Variants in RPL36AL observed in about 807,000 individuals in gnomAD.
The protein encoded by RPL36AL is ribosomal protein eL42-like.
RPL36AL carries 8 observed loss-of-function variants against 7.9 expected under a neutral mutation model. The observed-to-expected ratio is 1.02, with a 90% confidence interval of 0.60 to 1.84. The LOEUF is 1.84. Among genes scored for constraint, RPL36AL ranks in the 40% most tolerant of loss-of-function variants. RPL36AL has a pLI of 0.00. For synonymous variants in RPL36AL, 44 were observed against 44.8 expected, an observed-to-expected ratio of 0.98 and a Z score of 0.07; for missense variants, 76 against 126.8, an observed-to-expected ratio of 0.60 and a Z score of 1.93.
intron 1 of RPL36AL, among the ~76,000 whole-genome samples, chr14:49,620,308 C>G (rs1594597978): frequency 6.6e-6 from 1 of 152,164 alleles, no homozygotes; most frequent in African/African-American, 2.4e-5. Flanking sequence ...CGTAGTATCA[C>G]TTTTCCCCTC....
Position 49,619,108 on chromosome 14 carries a change from T to C in RPL36AL, c.-4A>G. 5 of 1,604,022 alleles carry C rather than the reference T, an allele frequency of 3.1e-6. No homozygotes were observed. The Admixed American group carries it at 5.1e-5, about 16-fold the overall frequency. On this transcript the variant is annotated 5_prime_UTR_variant, in exon 2 of 2. Coordinates refer to ENST00000298289, the MANE Select transcript of RPL36AL (RefSeq NM_001001.5). The stretch of plus-strand genomic sequence containing the variant: ...GGGTTTTAGGTACGTTGACCATCTT[T>C]GCAGCAGGGCTGTTTTGTCTATATG...
Position 49,619,127 on chromosome 14 carries a change from C to T in RPL36AL, c.-23G>A. On this transcript the variant is annotated 5_prime_UTR_variant, in exon 2 of 2. Transcript: ENST00000298289. Reference sequence around the variant, plus strand: ...CATCTTTGCAGCAGGGCTGTTTTGTCTATATGATGAAAACTGTAGTAAAAT... The same window carrying T: ...CATCTTTGCAGCAGGGCTGTTTTGTTTATATGATGAAAACTGTAGTAAAAT... 2 of 1,571,304 alleles carry T rather than the reference C, an allele frequency of 1.3e-6. No homozygotes were observed. Among genetic ancestry groups the T allele is most frequent in the Non-Finnish European group, 1.7e-6 (2 of 1,159,178 alleles).
chr14:49,619,798 T>C (rs1019187833), intron 1 of RPL36AL, among the ~76,000 whole-genome samples: 19 of 152,252 alleles, frequency 1.2e-4, no homozygotes, highest in Admixed American at 5.9e-4. Context: ...ACCAAGAATT[T>C]ACATTAAAAT....
chr14:49,620,215 G>C (rs990696465), intron 1 of RPL36AL, among the ~76,000 whole-genome samples: 2 of 151,422 alleles, frequency 1.3e-5, no homozygotes, highest in African/African-American at 4.9e-5. Context: ...CCATTTTCCA[G>C]CTCTAGAGAA....
intron 1 of RPL36AL, among the ~76,000 whole-genome samples, chr14:49,619,404 T>C (rs1435859219): frequency 2.6e-5 from 4 of 152,080 alleles, no homozygotes; most frequent in African/African-American, 7.2e-5. Flanking sequence ...TCCCAGCACT[T>C]TGGGAGGCCG....
At chr14:49,619,772 A>G (rs1302921271) in intron 1 of RPL36AL, among the ~76,000 whole-genome samples, 1 of 152,224 alleles carries the variant, frequency 6.6e-6, no homozygotes, top group Non-Finnish European at 1.5e-5. Flanking sequence ...AAAAAATGGC[A>G]GTTCCTAAAT....
intron 1 of RPL36AL, among the ~76,000 whole-genome samples, 151 bp from the exon 2 acceptor site, chr14:49,619,291 C>G (rs996345489): frequency 6.6e-6 from 1 of 152,150 alleles, no homozygotes; most frequent in Admixed American, 6.5e-5. Context: ...AACGCACATA[C>G]AAGTACATAC....
chr14:49,619,099 G>A lies in RPL36AL; in HGVS notation c.6C>T (p.Val2=). ...AGGTTCTTCGGGTTTTAGGTACGTTGACCATCTTTGCAGCAGGGCTGTTTT... is the reference window on the plus strand; with the variant it reads ...AGGTTCTTCGGGTTTTAGGTACGTTAACCATCTTTGCAGCAGGGCTGTTTT... The part of the protein sequence containing the change: M[V]NVPKTRRTFC... The change falls in exon 2 of 2, where the codon GTC becomes GTT. Residue 2 remains valine, a synonymous_variant. Coordinates refer to ENST00000298289, the MANE Select transcript of RPL36AL (RefSeq NM_001001.5). 1 of 1,606,948 alleles carries A rather than the reference G, an allele frequency of 6.2e-7. No individual in the cohort carries two copies. The highest frequency in any genetic ancestry group is 1.1e-5 in the South Asian group (1 of 90,652).
At position 49,620,553 on chromosome 14, in the gene RPL36AL, T is replaced by G. The variant is rs984072459; in HGVS notation, c.-37+9A>C. The G allele has an allele frequency of 5.5e-6, 1 of 181,184 alleles. No individual in the cohort carries two copies. Among genetic ancestry groups the G allele is most frequent in the Non-Finnish European group, 1.2e-5 (1 of 86,322 alleles). 11.2% of individuals were successfully genotyped at this position (181,184 alleles called of 1,614,324 possible). On this transcript the variant is annotated intron_variant, in intron 1 of 1. Coordinates refer to ENST00000298289, the MANE Select transcript of RPL36AL (RefSeq NM_001001.5). ...TATTGGAGCCGCTACAGCCTCGTTC[T>G]TAGCTTACCGAGAAACAGCGCCCGA...
intron 1 of RPL36AL, among the ~76,000 whole-genome samples, chr14:49,619,787 T>G (rs1882779840): frequency 1.3e-5 from 2 of 152,326 alleles, no homozygotes; most frequent in South Asian, 4.1e-4. Flanking sequence ...CTAAATTGTC[T>G]ACCAAGAATT....
chr14:49,619,591 T>C (rs1366254555), intron 1 of RPL36AL, among the ~76,000 whole-genome samples: 2 of 151,848 alleles, frequency 1.3e-5, no homozygotes, highest in African/African-American at 4.8e-5. Flanking sequence ...GATCGCACCA[T>C]TGCACTCCAG....
Position 49,618,919 on chromosome 14 carries a change from G to A in RPL36AL, c.186C>T (p.Thr62=). Residue 62 remains threonine (T), a synonymous_variant, in exon 2 of 2, where the codon ACC becomes ACT. Coordinates refer to ENST00000298289, the MANE Select transcript of RPL36AL (RefSeq NM_001001.5). ...TKPIFRKKAK[T]TKKIVLRLEC... is the part of the protein sequence containing the mutation. ...CCAGCCTTAGCACAATCTTCTTTGT[G>A]GTCTTAGCCTTCTTCCGGAAAATTG... 1 of 1,613,324 alleles carries A rather than the reference G, an allele frequency of 6.2e-7. No homozygotes were observed. The highest frequency in any genetic ancestry group is 8.5e-7 in the Non-Finnish European group (1 of 1,179,840).
At chr14:49,620,241 G>A (rs1442896347) in intron 1 of RPL36AL, among the ~76,000 whole-genome samples, 2 of 151,486 alleles carry the variant, frequency 1.3e-5, no homozygotes, top group Non-Finnish European at 2.9e-5. Context: ...GGGGCAGCGC[G>A]CGACGTTGTA....
In RPL36AL at chr14:49,618,578, A is replaced by G. The variant is rs566756140; in HGVS notation, c.*206T>C. The G allele has an allele frequency of 1.8e-6, 1 of 555,468 alleles. No homozygotes were observed. Among genetic ancestry groups the G allele is most frequent in the South Asian group, 2.3e-5 (1 of 43,454 alleles). The allele number at this position is 555,468 out of a possible 1,614,324, so 34.4% of individuals were successfully genotyped here. ...CATTTGAAATTGACCAGAAAACAAA[A>G]AGTAGTAAAGTAGTATTTTCCCTTC... On this transcript the variant is annotated 3_prime_UTR_variant, in exon 2 of 2. Transcript: ENST00000298289.
In RPL36AL at chr14:49,618,623, A is replaced by T; in HGVS notation, c.*161T>A. 1.6e-6 allele frequency: 1 copy of T among 610,778 alleles called. No individual in the cohort carries two copies. The highest frequency in any genetic ancestry group is 2.0e-5 in the South Asian group (1 of 48,798). 37.8% of individuals were successfully genotyped at this position (610,778 alleles called of 1,614,324 possible). On this transcript the variant is annotated 3_prime_UTR_variant, in exon 2 of 2. Coordinates refer to ENST00000298289, the MANE Select transcript of RPL36AL (RefSeq NM_001001.5). Reference sequence around the variant, plus strand: ...CCCTTCATACATATATAAACTTGTTAGTAAAGTTTGAGGTGGGACTACACT... The same window carrying T: ...CCCTTCATACATATATAAACTTGTTTGTAAAGTTTGAGGTGGGACTACACT...
intron 1 of RPL36AL, 30 bp from the exon 2 acceptor site, chr14:49,619,170 A>G: frequency 6.9e-7 from 1 of 1,446,978 alleles, no homozygotes; most frequent in South Asian, 1.3e-5. Flanking sequence ...ATAAGATAGC[A>G]GACGTTAAAC....
Position 49,618,779 on chromosome 14 carries a change from A to C in RPL36AL, c.*5T>G, listed in dbSNP as rs1301958532. The stretch of plus-strand genomic sequence containing the variant: ...CTTCAAAATTGAAGAAAAATATCCC[A>C]AAGTTTAGAACTGGATCACTTGGCC... On this transcript the variant is annotated 3_prime_UTR_variant, in exon 2 of 2. Coordinates refer to ENST00000298289, the MANE Select transcript of RPL36AL (RefSeq NM_001001.5). 1.6e-5 allele frequency: 25 copies of C among 1,601,628 alleles called. No individual in the cohort carries two copies. Among genetic ancestry groups the C allele is most frequent in the Non-Finnish European group, 2.0e-5 (24 of 1,175,128 alleles).
At chr14:49,619,445 C>T (rs1198347151) in intron 1 of RPL36AL, among the ~76,000 whole-genome samples, 1 of 151,990 alleles carries the variant, frequency 6.6e-6, no homozygotes, top group South Asian at 2.1e-4. Context: ...GTCCGGAGTT[C>T]GAGACCAGCC....
rs1190375198 is a variant in RPL36AL, at chr14:49,618,846, T to G, written c.259A>C (p.Arg87=). Reference sequence around the variant, plus strand: ...CCTCCCAGTTCAAAATGCTTGCATCTCTTAATGGCCAGCATCCTCTTGGAT... The same window carrying G: ...CCTCCCAGTTCAAAATGCTTGCATCGCTTAATGGCCAGCATCCTCTTGGAT... ...CRSKRMLAIK[R]CKHFELGGDK... is the part of the protein sequence containing the mutation. Residue 87 remains arginine, a synonymous_variant, in exon 2 of 2, where the codon AGA becomes CGA. Transcript: ENST00000298289. 6.2e-7 allele frequency: 1 copy of G among 1,612,380 alleles called. No homozygotes were observed. The highest frequency in any genetic ancestry group is 2.2e-5 in the East Asian group (1 of 44,884).
Sources: allele counts gnomAD v4.1 joint callset (sites outside exome capture counted in the v4.1 genomes callset), GRCh38; gene constraint gnomAD v4.1.1; transcripts MANE v1.5; gene names NCBI Gene and HGNC (gene_info 2026-07-23, HGNC 2026-07-21).